Variants in HSDL1 observed in about 807,000 individuals in gnomAD.
HSDL1 encodes the protein inactive hydroxysteroid dehydrogenase-like protein 1.
Under a neutral mutation model 31.5 loss-of-function variants are expected in HSDL1, and 29 were observed. The observed-to-expected ratio is 0.92, with a 90% CI of 0.69 to 1.26. The LOEUF (loss-of-function observed/expected upper bound fraction) is 1.26. Among genes scored for constraint, HSDL1 ranks in the 50% most tolerant of loss-of-function variants. HSDL1 has a pLI of 0.00. For missense variants in HSDL1, 503 were observed against 416.6 expected (o/e 1.21, Z -1.81); for synonymous variants, 222 against 155.2 (o/e 1.43, Z -3.20).
intron 5 of HSDL1, 24 bp from the exon 6 acceptor site, chr16:84,124,752 T>G (rs1413524715): frequency 6.4e-7 from 1 of 1,569,488 alleles, no homozygotes; most frequent in African/African-American, 1.4e-5. Flanking sequence ...AGAAAAAGGT[T>G]GTAAGGTTAG....
At chr16:84,135,058 C>T (rs889653588) in intron 2 of HSDL1, among the ~76,000 whole-genome samples, 1 of 151,970 alleles carries the variant, frequency 6.6e-6, no homozygotes, top group Admixed American at 6.6e-5. Flanking sequence ...AGGGTGAAAC[C>T]CTGTCTCTAC....
Position 84,129,724 on chromosome 16 carries a change from C to A in HSDL1, c.718G>T (p.Gly240Ter), listed in dbSNP as rs903638590. The change falls in exon 5 of 6, where the codon GGA (glycine) becomes TGA (stop). Residue 240 changes from glycine to a stop codon, truncating the protein, a stop_gained. Coordinates refer to ENST00000219439, the MANE Select transcript of HSDL1 (RefSeq NM_031463.5). LOFTEE classifies it high-confidence loss of function. Reference protein sequence around the residue: ...RALQYEYASKGIFVQSLIPFY... With the variant: ...RALQYEYASK The stretch of plus-strand genomic sequence containing the variant: ...GGGATTAGACTCTGTACAAAGATTC[C>A]TTTAGAGGCATATTCATATTGCAAG... 1.9e-6 allele frequency: 3 copies of A among 1,614,184 alleles called. No individual in the cohort carries two copies. The highest frequency in any genetic ancestry group is 2.5e-6 in the Non-Finnish European group (3 of 1,180,048).
intron 2 of HSDL1, among the ~76,000 whole-genome samples, chr16:84,133,683 C>G (rs754091529): frequency 6.6e-6 from 1 of 152,160 alleles, no homozygotes; most frequent in Non-Finnish European, 1.5e-5. Flanking sequence ...GAGCCGAGAT[C>G]ATGCCACTGC....
At chr16:84,127,173 G>T (rs914426930) in intron 5 of HSDL1, among the ~76,000 whole-genome samples, 5 of 149,600 alleles carry the variant, frequency 3.3e-5, no homozygotes, top group Non-Finnish European at 5.9e-5. Context: ...GTAATTAAAG[G>T]ACCTGGAAAC....
At chr16:84,134,636 A>G (rs977794336) in intron 2 of HSDL1, among the ~76,000 whole-genome samples, 43 of 152,058 alleles carry the variant, frequency 2.8e-4, no homozygotes, top group South Asian at 2.1e-4. Context: ...AAAACAAACA[A>G]AAAAAACAAC....
Position 84,123,240 on chromosome 16 carries a change from T to C in HSDL1, c.*1390A>G, listed in dbSNP as rs2086572163. On this transcript the variant is annotated 3_prime_UTR_variant, in exon 6 of 6. Transcript: ENST00000219439. ...ATGGGCAAAATTGTGTTCATAAAACTGTGCTTAGGTCTGCTTATGATAGAT... is the reference window on the plus strand; with the variant it reads ...ATGGGCAAAATTGTGTTCATAAAACCGTGCTTAGGTCTGCTTATGATAGAT... The C allele has an allele frequency of 6.6e-6, 1 of 152,220 alleles. No individual in the cohort carries two copies. Among genetic ancestry groups the C allele is most frequent in the Non-Finnish European group, 1.5e-5 (1 of 68,040 alleles). The allele number at this position is 152,220 out of a possible 1,614,324, so 9.4% of individuals were successfully genotyped here.
chr16:84,133,841 G>A (rs543118812), intron 2 of HSDL1, among the ~76,000 whole-genome samples: 3 of 152,282 alleles, frequency 2.0e-5, no homozygotes, highest in Admixed American at 6.5e-5. Context: ...CTCCCACAAT[G>A]AGAATGCCAA....
At chr16:84,131,042 C>G in intron 3 of HSDL1, 60 bp downstream of exon 3, 1 of 1,309,826 alleles carries the variant, frequency 7.6e-7, no homozygotes, top group Non-Finnish European at 1.1e-6. Context: ...AATTCAATAG[C>G]TCCTTGAATA....
chr16:84,136,339 T>C (rs9923593), intron 1 of HSDL1, among the ~76,000 whole-genome samples: 7,160 of 152,280 alleles, frequency 0.047, 566 homozygotes, highest in African/African-American at 0.16. Context: ...ACACACTGCA[T>C]TGCAACTGTT....
intron 2 of HSDL1, 58 bp from the exon 3 acceptor site, chr16:84,131,385 A>C (rs2086664097): frequency 8.2e-7 from 1 of 1,217,866 alleles, no homozygotes; most frequent in African/African-American, 1.5e-5. Context: ...AGGAACATAC[A>C]CAGTCTGAGT....
intron 5 of HSDL1, among the ~76,000 whole-genome samples, chr16:84,126,079 G>A (rs2151184167): frequency 6.7e-6 from 1 of 150,186 alleles, no homozygotes; most frequent in East Asian, 2.0e-4. Context: ...CTCCAGCCTG[G>A]GCAACAGAGC....
At chr16:84,125,382 A>G (rs1190897250) in intron 5 of HSDL1, among the ~76,000 whole-genome samples, 1 of 151,176 alleles carries the variant, frequency 6.6e-6, no homozygotes, top group Non-Finnish European at 1.5e-5. Flanking sequence ...ATACCCACCA[A>G]TCAATCACAA....
intron 1 of HSDL1, among the ~76,000 whole-genome samples, chr16:84,143,200 A>G (rs540959523): frequency 2.6e-3 from 397 of 152,334 alleles, no homozygotes; most frequent in African/African-American, 8.7e-3. Flanking sequence ...AACAAACAAA[A>G]TGTCCATCAA....
intron 5 of HSDL1, among the ~76,000 whole-genome samples, chr16:84,128,593 G>C (rs1223828904): frequency 6.6e-6 from 1 of 152,016 alleles, no homozygotes; most frequent in African/African-American, 2.4e-5. Flanking sequence ...GGTTTTTTTG[G>C]ATTATATTTT....
chr16:84,128,435 T>C (rs997942790), intron 5 of HSDL1, among the ~76,000 whole-genome samples: 35 of 152,308 alleles, frequency 2.3e-4, no homozygotes, highest in African/African-American at 7.9e-4. Flanking sequence ...CTTTCTACAG[T>C]ACTAAAAGGT....
At position 84,131,316 on chromosome 16, in the gene HSDL1, A is replaced by T. The variant is rs1009253085; in HGVS notation, c.6T>A (p.Ala2=). The T allele has an allele frequency of 1.2e-6, 2 of 1,612,642 alleles. No homozygotes were observed. The highest frequency in any genetic ancestry group is 1.3e-5 in the African/African-American group (1 of 75,044). Residue 2 remains alanine (A), a synonymous_variant, in exon 3 of 6, where the codon GCT becomes GCA. Coordinates refer to ENST00000219439, the MANE Select transcript of HSDL1 (RefSeq NM_031463.5). The stretch of plus-strand genomic sequence containing the variant: ...ACAAGAGGTAGAAACTGTCAACAGC[A>T]GCCATGGCAACCTGCAGGGAGAGGG... M[A]AVDSFYLLYR... is the part of the protein sequence containing the mutation.
rs1159679224 is a variant in HSDL1 at position 84,123,456 on chromosome 16, T to G, written c.*1174A>C. On this transcript the variant is annotated 3_prime_UTR_variant, in exon 6 of 6. Transcript: ENST00000219439. ...ATGGTTGGCTTTATATGACCCAAAC[T>G]AAGGACATTTCACAGGTTTCAATGT... 2.6e-5 allele frequency: 4 copies of G among 152,196 alleles called. No homozygotes were observed. Among genetic ancestry groups the G allele is most frequent in the Non-Finnish European group, 5.9e-5 (4 of 68,040 alleles). 9.4% of individuals were successfully genotyped at this position (152,196 alleles called of 1,614,324 possible). A position where few individuals can be genotyped will look rare whatever the true frequency, so the allele number is the denominator to read the frequency against.
At chr16:84,139,550 G>A (rs1273694941) in intron 1 of HSDL1, among the ~76,000 whole-genome samples, 1 of 152,176 alleles carries the variant, frequency 6.6e-6, no homozygotes, top group Non-Finnish European at 1.5e-5. Flanking sequence ...CAGTCACAAT[G>A]ACTTCAGATT....
At chr16:84,137,856 G>C (rs996852685) in intron 1 of HSDL1, among the ~76,000 whole-genome samples, 1 of 152,202 alleles carries the variant, frequency 6.6e-6, no homozygotes, top group Non-Finnish European at 1.5e-5. Context: ...GTCCACTTAG[G>C]CATATGTAGA....
Sources: allele counts gnomAD v4.1 joint callset (sites outside exome capture counted in the v4.1 genomes callset), GRCh38; gene constraint gnomAD v4.1.1; transcripts MANE v1.5; gene names NCBI Gene and HGNC (gene_info 2026-07-23, HGNC 2026-07-21).